LATS2: variants seen among roughly 807,000 people sequenced by gnomAD.
The protein encoded by LATS2 is serine/threonine-protein kinase LATS2.
Under a neutral mutation model 76.0 loss-of-function variants are expected in LATS2, and 24 were observed. That is an observed-to-expected ratio of 0.32 (90% CI 0.23 to 0.44). The LOEUF (loss-of-function observed/expected upper bound fraction) is 0.44. Among genes scored for constraint, LATS2 ranks in the 20% least tolerant of loss-of-function variants. The probability of loss-of-function intolerance (pLI) is 1.00; values close to 1 mark genes in which losing one functional copy is unlikely to be tolerated. For missense variants in LATS2, 1,286 were observed against 1,481.2 expected, an observed-to-expected ratio of 0.87 and a Z score of 2.16; for synonymous variants, 692 against 635.4, an observed-to-expected ratio of 1.09 and a Z score of -1.34.
chr13:20,988,253 T>C lies in LATS2; in HGVS notation c.1527A>G (p.Pro509=), dbSNP rs758091658. The C allele has an allele frequency of 6.2e-7, 1 of 1,600,710 alleles. No homozygotes were observed. The highest frequency in any genetic ancestry group is 1.1e-5 in the South Asian group (1 of 90,824). Residue 509 remains proline, a synonymous_variant, in exon 4 of 8, where the codon CCA becomes CCG. Coordinates refer to ENST00000382592, the MANE Select transcript of LATS2 (RefSeq NM_014572.3). ...AFPLDVEYGG[P]DRRCPPPPYP... ...AGGGCGGAGGCGGGCACCTCCGGTCTGGGCCTCCGTACTCCACGTCCAGCG... is the reference window on the plus strand; with the variant it reads ...AGGGCGGAGGCGGGCACCTCCGGTCCGGGCCTCCGTACTCCACGTCCAGCG...
At chr13:21,016,378 G>C (rs1871801488) in intron 2 of LATS2, among the ~76,000 whole-genome samples, 1 of 152,012 alleles carries the variant, frequency 6.6e-6, no homozygotes, top group South Asian at 2.1e-4. Context: ...CAGCCTCCCA[G>C]GTTCAAGCAA....
intron 5 of LATS2, 92 bp downstream of exon 5, chr13:20,983,132 T>C: frequency 1.3e-6 from 1 of 796,682 alleles, no homozygotes; most frequent in Non-Finnish European, 2.0e-6. Flanking sequence ...TCAAAATGAT[T>C]AGGAGCCACT....
At position 20,979,608 on chromosome 13, in the gene LATS2, G is replaced by A. The variant is rs969496087; in HGVS notation, c.2772+83C>T. Reference sequence around the variant, plus strand: ...ATTCCTACCCTACTCAGAATAAGAGGGCAAATGCTGACCAAAGATTCATGG... The same window carrying A: ...ATTCCTACCCTACTCAGAATAAGAGAGCAAATGCTGACCAAAGATTCATGG... On this transcript the variant is annotated intron_variant, in intron 7 of 7. Coordinates refer to ENST00000382592, the MANE Select transcript of LATS2 (RefSeq NM_014572.3). The A allele has an allele frequency of 2.4e-5, 16 of 673,050 alleles. No homozygotes were observed. The Admixed American group carries it at 3.6e-4, about 15-fold the overall frequency. 41.7% of individuals were successfully genotyped at this position (673,050 alleles called of 1,614,324 possible). A position where few individuals can be genotyped will look rare whatever the true frequency, so the allele number is the denominator to read the frequency against.
intron 2 of LATS2, among the ~76,000 whole-genome samples, chr13:21,016,962 A>G (rs1871824697): frequency 6.6e-6 from 1 of 152,232 alleles, no homozygotes; most frequent in Admixed American, 6.5e-5. Context: ...CTCAGACATA[A>G]GAGGGATTAC....
chr13:20,988,612 G>A lies in LATS2; in HGVS notation c.1168C>T (p.Pro390Ser), dbSNP rs771631605. The change falls in exon 4 of 8, where the codon CCG (proline) becomes TCG (serine). Residue 390 changes from proline to serine, a missense_variant. Physicochemically the swap from Pro to Ser is moderately conservative, Grantham distance 74. Transcript: ENST00000382592. ...SLQKPGLEAPPRAHVAFRPDC... is the reference protein window; with the variant it reads ...SLQKPGLEAPSRAHVAFRPDC... ...GGCCGGAAGGCCACGTGCGCGCGCG[G>A]CGGCGCCTCCAGGCCCGGCTTCTGC... 2.5e-6 allele frequency: 4 copies of A among 1,589,620 alleles called. No homozygotes were observed. Among genetic ancestry groups the A allele is most frequent in the Non-Finnish European group, 3.4e-6 (4 of 1,176,034 alleles).
At chr13:20,979,369 T>C (rs1307393028) in intron 7 of LATS2, among the ~76,000 whole-genome samples, 1 of 151,822 alleles carries the variant, frequency 6.6e-6, no homozygotes. Context: ...CAGGTGTGGG[T>C]GGGGGAGACA....
intron 2 of LATS2, among the ~76,000 whole-genome samples, chr13:21,004,650 C>T (rs1309706332): frequency 2.0e-5 from 3 of 152,180 alleles, no homozygotes; most frequent in African/African-American, 7.2e-5. Context: ...ACCTGGCAGG[C>T]ACACATCTGC....
chr13:20,987,981 T>C lies in LATS2; in HGVS notation c.1799A>G (p.Tyr600Cys). The C allele has an allele frequency of 6.2e-7, 1 of 1,614,256 alleles. No homozygotes were observed. Among genetic ancestry groups the C allele is most frequent in the Non-Finnish European group, 8.5e-7 (1 of 1,180,040 alleles). The stretch of plus-strand genomic sequence containing the variant: ...CTGCTCCATGAAGAACTTAAAGGCG[T>C]ATGGCGAGTAGCTCTTGATGCGTGA... ...RESRIKSYSP[Y>C]AFKFFMEQHV... The change falls in exon 4 of 8, where the codon TAC becomes TGC. Residue 600 changes from tyrosine to cysteine, a missense_variant. Coordinates refer to ENST00000382592, the MANE Select transcript of LATS2 (RefSeq NM_014572.3).
rs768375606 is a variant in LATS2, at chr13:20,989,006, C to T, written c.774G>A (p.Leu258=). 5 of 1,548,690 alleles carry T rather than the reference C, an allele frequency of 3.2e-6. No individual in the cohort carries two copies. The highest frequency in any genetic ancestry group is 4.3e-6 in the Non-Finnish European group (5 of 1,153,360). Residue 258 remains leucine (L), a synonymous_variant, in exon 4 of 8, where the codon CTG becomes CTA. Transcript: ENST00000382592. ...LQGAHYGRPH[L]LVPGEPLGYG... ...AGCCCAGGGGTTCCCCAGGCACCAG[C>T]AGGTGCGGCCGCCCGTAGTGCGCGC...
At chr13:21,002,786 G>T (rs1871107568) in intron 2 of LATS2, among the ~76,000 whole-genome samples, 1 of 152,048 alleles carries the variant, frequency 6.6e-6, no homozygotes, top group South Asian at 2.1e-4. Flanking sequence ...TCTAACTCCT[G>T]GGCTCAAACT....
intron 4 of LATS2, among the ~76,000 whole-genome samples, chr13:20,984,492 G>C (rs1022907397): frequency 1.6e-4 from 24 of 152,300 alleles, no homozygotes; most frequent in African/African-American, 5.3e-4. Flanking sequence ...ACATTAGATA[G>C]ACTTGTATAT....
At chr13:21,056,890 T>C (rs994369979) in intron 1 of LATS2, among the ~76,000 whole-genome samples, 1 of 152,184 alleles carries the variant, frequency 6.6e-6, no homozygotes, top group Non-Finnish European at 1.5e-5. Context: ...TGTGAAGCTA[T>C]TCTTGGAGCC....
rs573080931 is a variant in LATS2, at chr13:20,973,542, G to A, written c.*1328C>T. On this transcript the variant is annotated 3_prime_UTR_variant, in exon 8 of 8. Transcript: ENST00000382592. The stretch of plus-strand genomic sequence containing the variant: ...TGTGTGTGTGTGTGTGTGTATACAC[G>A]CACATACATCTATACTTCTAAGAAA... The A allele has an allele frequency of 1.0e-4, 23 of 229,752 alleles. No homozygotes were observed. The highest frequency in any genetic ancestry group is 3.9e-4 in the East Asian group (6 of 15,444). The allele number at this position is 229,752 out of a possible 1,614,324, so 14.2% of individuals were successfully genotyped here. A position where few individuals can be genotyped will look rare whatever the true frequency, so the allele number is the denominator to read the frequency against.
At chr13:20,979,294 C>T (rs948248632) in intron 7 of LATS2, among the ~76,000 whole-genome samples, 1 of 152,004 alleles carries the variant, frequency 6.6e-6, no homozygotes, top group Non-Finnish European at 1.5e-5. Context: ...GGGTTTGGCA[C>T]CCCAAACCCC....
chr13:20,989,249 G>A lies in LATS2; in HGVS notation c.531C>T (p.Gly177=). Residue 177 remains glycine, a synonymous_variant, in exon 4 of 8, where the codon GGC becomes GGT. Transcript: ENST00000382592. ...GCTGGTGGTAGGACGCAAACGAATC[G>A]CCGGTTCCTTCGAAGCTGGGCCTCC... ...VTRRPSFEGT[G]DSFASYHQLS... 1 of 1,613,992 alleles carries A rather than the reference G, an allele frequency of 6.2e-7. No individual in the cohort carries two copies. Among genetic ancestry groups the A allele is most frequent in the Non-Finnish European group, 8.5e-7 (1 of 1,180,030 alleles).
chr13:21,030,182 T>G (rs961661487), intron 2 of LATS2, among the ~76,000 whole-genome samples: 1 of 151,890 alleles, frequency 6.6e-6, no homozygotes, highest in African/African-American at 2.4e-5. Context: ...CACCATGCCC[T>G]ACACCCTATC....
chr13:21,058,540 C>T (rs896698133), intron 1 of LATS2, among the ~76,000 whole-genome samples: 3 of 152,202 alleles, frequency 2.0e-5, no homozygotes, highest in African/African-American at 7.2e-5. Context: ...GAAAGCCCCT[C>T]CCACCAACCC....
intron 2 of LATS2, among the ~76,000 whole-genome samples, chr13:20,999,904 T>C (rs1870966539): frequency 6.8e-6 from 1 of 146,018 alleles, no homozygotes; most frequent in Non-Finnish European, 1.5e-5. Flanking sequence ...GGCACACACC[T>C]ATATAGTCCC....
chr13:21,003,530 T>G (rs1383212510), intron 2 of LATS2, among the ~76,000 whole-genome samples: 2 of 151,674 alleles, frequency 1.3e-5, no homozygotes, highest in African/African-American at 4.8e-5. Context: ...AACTTCCACC[T>G]CCTGGGCTCA....
Sources: gnomAD v4.1 joint callset for allele counts (sites outside exome capture counted in the v4.1 genomes callset) on GRCh38, gnomAD v4.1.1 for gene constraint, MANE v1.5 for transcripts, NCBI Gene and HGNC (gene_info 2026-07-23, HGNC 2026-07-21) for gene names.